Variants in AUTS2 observed in about 807,000 individuals in gnomAD.
AUTS2 encodes activator of transcription and developmental regulator AUTS2, also known as autism susceptibility gene 2 protein.
AUTS2 carries 17 observed loss-of-function variants against 112.4 expected under a neutral mutation model. The observed-to-expected ratio is 0.15, with a 90% confidence interval of 0.10 to 0.23. The LOEUF (loss-of-function observed/expected upper bound fraction) is 0.23, where lower values mean the gene tolerates loss of function less well. Ranked by LOEUF, AUTS2 falls within the 10% of genes least tolerant of loss-of-function variation. The pLI is 1.00. For synonymous variants in AUTS2, 751 were observed against 702.7 expected (o/e 1.07, Z -1.09); for missense variants, 1,510 against 1,701.6 (o/e 0.89, Z 1.98).
chr7:69,649,531 T>C (rs2129130942), intron 1 of AUTS2, among the ~76,000 whole-genome samples: 1 of 152,246 alleles, frequency 6.6e-6, no homozygotes, highest in South Asian at 2.1e-4. Context: ...TTTTGGCCTT[T>C]GGCGCTGTGA....
chr7:70,563,582 G>A (rs1801580163), intron 5 of AUTS2, among the ~76,000 whole-genome samples: 1 of 152,180 alleles, frequency 6.6e-6, no homozygotes, highest in Non-Finnish European at 1.5e-5. Flanking sequence ...CTTGAGGTGA[G>A]TGGGTAGAGA....
chr7:69,736,806 T>A (rs529096408), intron 1 of AUTS2, among the ~76,000 whole-genome samples: 20 of 152,196 alleles, frequency 1.3e-4, no homozygotes, highest in Non-Finnish European at 2.6e-4. Context: ...TTTTTTTCCC[T>A]AGGGAGTTCT....
chr7:69,684,849 G>C (rs1436557339), intron 1 of AUTS2, among the ~76,000 whole-genome samples: 1 of 152,188 alleles, frequency 6.6e-6, no homozygotes, highest in Non-Finnish European at 1.5e-5. Context: ...AAAGGATAAA[G>C]TGAGTTGTTG....
chr7:69,648,151 A>T (rs1795118537), intron 1 of AUTS2, among the ~76,000 whole-genome samples: 1 of 152,152 alleles, frequency 6.6e-6, no homozygotes, highest in South Asian at 2.1e-4. Flanking sequence ...TGCCTAGGAG[A>T]TTCTGATGCA....
intron 5 of AUTS2, among the ~76,000 whole-genome samples, chr7:70,529,831 G>A (rs1293635926): frequency 6.6e-6 from 1 of 152,174 alleles, no homozygotes; most frequent in African/African-American, 2.4e-5. Flanking sequence ...TGTCTATTCA[G>A]GAATAGTATC....
intron 1 of AUTS2, among the ~76,000 whole-genome samples, chr7:69,725,761 C>T (rs1786479703): frequency 6.6e-6 from 1 of 152,086 alleles, no homozygotes; most frequent in Admixed American, 6.6e-5. Flanking sequence ...CTAGCTGTCC[C>T]ATATTTCAGC....
intron 5 of AUTS2, chr7:70,436,454 G>C (rs999389490): frequency 6.6e-6 from 1 of 152,252 alleles, no homozygotes; most frequent in African/African-American, 2.4e-5. Context: ...ACTCGGTAAA[G>C]TGAGCTTTCT....
chr7:70,077,874 A>G (rs969971739), intron 2 of AUTS2, among the ~76,000 whole-genome samples: 4 of 152,144 alleles, frequency 2.6e-5, no homozygotes, highest in African/African-American at 9.7e-5. Flanking sequence ...AGACCCTGGG[A>G]TGTCTGGAAT....
chr7:70,286,449 A>C (rs1029148416), intron 4 of AUTS2, among the ~76,000 whole-genome samples: 2 of 152,262 alleles, frequency 1.3e-5, no homozygotes, highest in Non-Finnish European at 2.9e-5. Context: ...AACATAAAAC[A>C]AAACTGGATT....
intron 1 of AUTS2, among the ~76,000 whole-genome samples, chr7:69,601,923 C>G (rs916675776): frequency 6.6e-6 from 1 of 151,640 alleles, no homozygotes; most frequent in African/African-American, 2.4e-5. Context: ...ACAAGTGGTT[C>G]TGCTTTCTGC....
chr7:70,746,551 G>A (rs1407775948), intron 6 of AUTS2, among the ~76,000 whole-genome samples: 1 of 152,162 alleles, frequency 6.6e-6, no homozygotes, highest in Non-Finnish European at 1.5e-5. Context: ...TAATACCAAG[G>A]ACATTAAGTG....
At chr7:70,668,379 A>G (rs1807457966) in intron 5 of AUTS2, among the ~76,000 whole-genome samples, 1 of 152,206 alleles carries the variant, frequency 6.6e-6, no homozygotes, top group African/African-American at 2.4e-5. Context: ...CTCATCAGTT[A>G]TCAGTCAGTG....
At chr7:70,512,508 CAG>C (rs1055012434) in intron 5 of AUTS2, among the ~76,000 whole-genome samples, 5 of 152,102 alleles carry the variant, frequency 3.3e-5, no homozygotes, top group African/African-American at 1.2e-4. Context: ...TAGGGAGTGA[CAG>C]GGGCTGTGGA....
chr7:70,374,955 G>A (rs1793017330), intron 4 of AUTS2, among the ~76,000 whole-genome samples: 2 of 152,146 alleles, frequency 1.3e-5, no homozygotes, highest in Non-Finnish European at 2.9e-5. Context: ...GGCTGCAGTA[G>A]CACAGCAGCA....
At chr7:70,442,575 C>G (rs1382805297) in intron 5 of AUTS2, among the ~76,000 whole-genome samples, 1 of 152,144 alleles carries the variant, frequency 6.6e-6, no homozygotes, top group South Asian at 2.1e-4. Context: ...ACTGAACCCT[C>G]CCACTCCTTG....
intron 5 of AUTS2, among the ~76,000 whole-genome samples, chr7:70,530,635 C>T (rs1460400282): frequency 1.3e-5 from 2 of 152,176 alleles, no homozygotes; most frequent in Non-Finnish European, 2.9e-5. Context: ...CCCCAGCCCC[C>T]AGCCTGACCG....
chr7:70,187,770 G>GTCT (rs1195084695), intron 4 of AUTS2, among the ~76,000 whole-genome samples: 1 of 130,346 alleles, frequency 7.7e-6, no homozygotes, highest in East Asian at 2.4e-4. Context: ...TACTCAACTA[G>GTCT]TCTTCTTTTT....
chr7:70,760,829 A>G (rs985961498), intron 6 of AUTS2, among the ~76,000 whole-genome samples: 3 of 152,224 alleles, frequency 2.0e-5, no homozygotes, highest in African/African-American at 7.2e-5. Flanking sequence ...CTGGACAGAA[A>G]TGTCGGAAGT....
intron 5 of AUTS2, among the ~76,000 whole-genome samples, chr7:70,649,781 G>A (rs970091955): frequency 6.6e-6 from 1 of 152,054 alleles, no homozygotes; most frequent in African/African-American, 2.4e-5. Context: ...ACCCGCCTCG[G>A]TGTCCAAAGT....
Sources: gnomAD v4.1 joint callset for allele counts (sites outside exome capture counted in the v4.1 genomes callset) on GRCh38, gnomAD v4.1.1 for gene constraint, MANE v1.5 for transcripts, NCBI Gene and HGNC (gene_info 2026-07-23, HGNC 2026-07-21) for gene names.